Variants in EBF1 observed in about 807,000 individuals in gnomAD.
EBF1 encodes the protein EBF transcription factor 1, also known as transcription factor COE1.
Under a neutral mutation model 68.4 loss-of-function variants are expected in EBF1, and 10 were observed. That is an observed-to-expected ratio of 0.15 (90% CI 0.09 to 0.25). The LOEUF is 0.25. Ranked by LOEUF, EBF1 falls within the 10% of genes least tolerant of loss-of-function variation. The pLI, the probability that EBF1 is intolerant of heterozygous loss-of-function variation, is 1.00. For synonymous variants in EBF1, 298 were observed against 299.8 expected, an observed-to-expected ratio of 0.99 and a Z score of 0.06; for missense variants, 509 against 794.4, an observed-to-expected ratio of 0.64 and a Z score of 4.32.
At chr5:158,763,707 T>C (rs1381502280) in intron 10 of EBF1, among the ~76,000 whole-genome samples, 3 of 152,204 alleles carry the variant, frequency 2.0e-5, no homozygotes, top group Non-Finnish European at 2.9e-5. Context: ...ACCATGGTGA[T>C]GTTTGTTGAT....
intron 13 of EBF1, 75 bp from the exon 14 acceptor site, chr5:158,712,408 A>G: frequency 6.5e-7 from 1 of 1,543,934 alleles, no homozygotes; most frequent in East Asian, 2.3e-5. Context: ...CGGGGAAAGG[A>G]AGGTCTCTGT....
chr5:158,810,098 A>C (rs745970789), intron 8 of EBF1, among the ~76,000 whole-genome samples: 1 of 152,204 alleles, frequency 6.6e-6, no homozygotes, highest in Non-Finnish European at 1.5e-5. Context: ...TTTGTTGCAC[A>C]TAATAGTTAC....
intron 6 of EBF1, among the ~76,000 whole-genome samples, chr5:158,967,094 G>A (rs756826061): frequency 6.6e-6 from 1 of 151,730 alleles, no homozygotes; most frequent in Non-Finnish European, 1.5e-5. Flanking sequence ...AAGAGATTTG[G>A]GGGAATGTAC....
intron 6 of EBF1, among the ~76,000 whole-genome samples, chr5:158,927,159 A>G (rs956536667): frequency 2.6e-5 from 4 of 152,216 alleles, no homozygotes; most frequent in African/African-American, 9.6e-5. Flanking sequence ...TCCATCAACT[A>G]TAAGTAGGGA....
chr5:158,889,509 G>T (rs1433909334), intron 6 of EBF1, among the ~76,000 whole-genome samples: 2 of 152,174 alleles, frequency 1.3e-5, no homozygotes, highest in African/African-American at 4.8e-5. Context: ...TGGCAAAGCT[G>T]AGCAGAAAGC....
intron 11 of EBF1, among the ~76,000 whole-genome samples, chr5:158,715,626 T>C (rs768436583): frequency 6.6e-6 from 1 of 152,194 alleles, no homozygotes; most frequent in Non-Finnish European, 1.5e-5. Context: ...GTAAAGAACA[T>C]TATATAATCA....
chr5:158,708,848 G>T (rs898240287), intron 14 of EBF1, among the ~76,000 whole-genome samples: 1 of 152,170 alleles, frequency 6.6e-6, no homozygotes, highest in African/African-American at 2.4e-5. Flanking sequence ...CTTTATAACC[G>T]CCATGGGATA....
chr5:158,852,538 T>G (rs1793156805), intron 6 of EBF1, among the ~76,000 whole-genome samples: 1 of 152,080 alleles, frequency 6.6e-6, no homozygotes, highest in South Asian at 2.1e-4. Context: ...TCAGGACCAG[T>G]CTACAAATAA....
chr5:159,026,176 G>A (rs938091676), intron 6 of EBF1, among the ~76,000 whole-genome samples: 4 of 152,048 alleles, frequency 2.6e-5, no homozygotes, highest in Admixed American at 6.5e-5. Context: ...ACACTGCCCC[G>A]GGCTCAGTCT....
At chr5:159,065,881 C>T (rs1776713888) in intron 6 of EBF1, among the ~76,000 whole-genome samples, 1 of 152,080 alleles carries the variant, frequency 6.6e-6, no homozygotes, top group African/African-American at 2.4e-5. Flanking sequence ...TAATCTATGG[C>T]CCTTCACTCT....
intron 6 of EBF1, among the ~76,000 whole-genome samples, chr5:158,852,032 A>C (rs1582567356): frequency 1.4e-4 from 1 of 7,040 alleles, no homozygotes; most frequent in Non-Finnish European, 2.9e-4. Context: ...GGGGAGGGAA[A>C]GGGTGGGGAG....
At chr5:159,021,217 T>C (rs1321117694) in intron 6 of EBF1, among the ~76,000 whole-genome samples, 1 of 152,186 alleles carries the variant, frequency 6.6e-6, no homozygotes, top group Non-Finnish European at 1.5e-5. Context: ...TGTTTGGGCA[T>C]TGAGGGAGTT....
In EBF1 at chr5:159,043,685, AAGAG is replaced by A. The variant is rs1008139401; in HGVS notation, c.554+29707_554+29710del. Among the ~76,000 whole-genome samples, 29 of 152,244 alleles carry A rather than the reference AAGAG, an allele frequency of 1.9e-4. 1 individual carries two copies. The highest frequency in any genetic ancestry group is 6.5e-4 in the African/African-American group (27 of 41,468). On this transcript the variant is annotated intron_variant, in intron 6 of 15. Coordinates refer to ENST00000313708, the MANE Select transcript of EBF1 (RefSeq NM_024007.5). ...AACAGCTGGAAATAGCTTGCAATAAAAGAGAGAGAGACCAAAATAAGTTTAGGAC... is the reference window on the plus strand; with the variant it reads ...AACAGCTGGAAATAGCTTGCAATAAAAGAGAGACCAAAATAAGTTTAGGAC...
intron 6 of EBF1, among the ~76,000 whole-genome samples, chr5:158,973,050 A>G (rs1755969199): frequency 6.6e-6 from 1 of 152,110 alleles, no homozygotes; most frequent in Non-Finnish European, 1.5e-5. Context: ...TATTTCCCAA[A>G]CTATTTTCCT....
At chr5:158,706,122 C>A (rs1757801210) in intron 15 of EBF1, among the ~76,000 whole-genome samples, 1 of 151,420 alleles carries the variant, frequency 6.6e-6, no homozygotes, top group Admixed American at 6.6e-5. Context: ...GAATGGGTGG[C>A]TCTACTTTGT....
chr5:158,725,440 A>G (rs1762797167), intron 11 of EBF1, among the ~76,000 whole-genome samples: 1 of 152,238 alleles, frequency 6.6e-6, no homozygotes, highest in Admixed American at 6.5e-5. Flanking sequence ...CTCCTTGGAC[A>G]AATAGAACCC....
At chr5:158,859,443 G>A (rs553484068) in intron 6 of EBF1, among the ~76,000 whole-genome samples, 6 of 152,292 alleles carry the variant, frequency 3.9e-5, no homozygotes, top group African/African-American at 1.4e-4. Context: ...TCCAAAGTCT[G>A]TGAGTGTCTT....
intron 9 of EBF1, among the ~76,000 whole-genome samples, chr5:158,793,813 T>G (rs1316809827): frequency 1.3e-5 from 2 of 152,214 alleles, no homozygotes; most frequent in Non-Finnish European, 2.9e-5. Flanking sequence ...ATGGATTTCT[T>G]TATTTGGGGC....
intron 6 of EBF1, among the ~76,000 whole-genome samples, chr5:158,965,434 A>T (rs539503054): frequency 1.1e-4 from 17 of 152,314 alleles, no homozygotes; most frequent in African/African-American, 4.1e-4. Context: ...CATTCCTAGG[A>T]AGATTAATAT....
Sources: allele counts gnomAD v4.1 joint callset (sites outside exome capture counted in the v4.1 genomes callset), GRCh38; gene constraint gnomAD v4.1.1; transcripts MANE v1.5; gene names NCBI Gene and HGNC (gene_info 2026-07-23, HGNC 2026-07-21).